The following MRTFA variants were observed in gnomAD, a reference collection of about 807,000 sequenced individuals.
MRTFA encodes the protein myocardin-related transcription factor A.
Under a neutral mutation model 83.5 loss-of-function variants are expected in MRTFA, and 20 were observed. The ratio of observed to expected loss-of-function variants is 0.24; its 90% CI spans 0.17 to 0.35. The LOEUF is 0.35. MRTFA is among the 10% of genes least tolerant of loss of function. The pLI is 1.00. For missense variants in MRTFA, 1,200 were observed against 1,224.7 expected (o/e 0.98, Z 0.30); for synonymous variants, 659 against 541.2 (o/e 1.22, Z -3.02).
chr22:40,444,535 A>G (rs1459105012), intron 4 of MRTFA, among the ~76,000 whole-genome samples: 1 of 152,214 alleles, frequency 6.6e-6, no homozygotes, highest in Non-Finnish European at 1.5e-5. Flanking sequence ...ACTAAAAGAA[A>G]AAATCTTTAC....
At chr22:40,594,148 G>A (rs2056158717) in intron 2 of MRTFA, among the ~76,000 whole-genome samples, 1 of 152,204 alleles carries the variant, frequency 6.6e-6, no homozygotes, top group Non-Finnish European at 1.5e-5. Flanking sequence ...AACTCTAGTG[G>A]TTACAGATGG....
At chr22:40,566,769 G>A (rs954371783) in intron 2 of MRTFA, among the ~76,000 whole-genome samples, 1 of 152,182 alleles carries the variant, frequency 6.6e-6, no homozygotes, top group African/African-American at 2.4e-5. Flanking sequence ...CGAGGCGGAG[G>A]TTGCAGTGAG....
chr22:40,499,022 A>T (rs1260309919), intron 3 of MRTFA, among the ~76,000 whole-genome samples: 1 of 152,136 alleles, frequency 6.6e-6, no homozygotes. Flanking sequence ...TTAATTTTCC[A>T]CTTTTAGAAC....
rs150507847 is a variant in MRTFA at position 40,471,806 on chromosome 22, A to C, written c.242-8520T>G. Among the ~76,000 whole-genome samples, 199 of 152,296 alleles carry C rather than the reference A, an allele frequency of 1.3e-3. 2 individuals are homozygous for C. The highest frequency in any genetic ancestry group is 4.7e-3 in the African/African-American group (195 of 41,568). On this transcript the variant is annotated intron_variant, in intron 3 of 14. Coordinates refer to ENST00000355630, the MANE Select transcript of MRTFA (RefSeq NM_020831.6). ...AAAATCACTTGAATCTGGGAGGTCG[A>C]GGCTGTAGTGAGCTGAGACCACACC...
chr22:40,497,460 TC>T (rs1340914125), intron 3 of MRTFA, among the ~76,000 whole-genome samples: 1 of 152,004 alleles, frequency 6.6e-6, no homozygotes, highest in Non-Finnish European at 1.5e-5. Context: ...AGGAAAATAA[TC>T]TTCAGAAATC....
In MRTFA at chr22:40,417,450, TGGGCAGAGGGGGCAGGCGCTGGAGA is replaced by T. The variant is rs1464519404; in HGVS notation, c.2383_2407del (p.Ser795ArgfsTer19). 6.3e-7 allele frequency: 1 copy of T among 1,590,306 alleles called. No homozygotes were observed. The highest frequency in any genetic ancestry group is 2.3e-5 in the East Asian group (1 of 43,638). ...CTGCAGTGGGTGCTCCAGGTCCATCTGGGCAGAGGGGGCAGGCGCTGGAGAGCCAGGCTGGGACGAGGGCTGGACA... is the reference window on the plus strand; with the variant it reads ...CTGCAGTGGGTGCTCCAGGTCCATCTGCCAGGCTGGGACGAGGGCTGGACA... On this transcript the variant is annotated frameshift_variant, in exon 13 of 15. Coordinates refer to ENST00000355630, the MANE Select transcript of MRTFA (RefSeq NM_020831.6). LOFTEE classifies it high-confidence loss of function.
At chr22:40,419,958 A>C (rs1377360717) in intron 11 of MRTFA, among the ~76,000 whole-genome samples, 1 of 152,176 alleles carries the variant, frequency 6.6e-6, no homozygotes, top group Non-Finnish European at 1.5e-5. Context: ...ATTAACCGGC[A>C]AAGGGGAAAA....
chr22:40,443,015 C>T (rs191421468), intron 4 of MRTFA, among the ~76,000 whole-genome samples: 5 of 152,096 alleles, frequency 3.3e-5, no homozygotes, highest in East Asian at 3.9e-4. Flanking sequence ...TTTGGGAGGC[C>T]GAGGTCGGGG....
intron 9 of MRTFA, among the ~76,000 whole-genome samples, chr22:40,422,830 G>T (rs2052869784): frequency 6.6e-6 from 1 of 152,216 alleles, no homozygotes; most frequent in African/African-American, 2.4e-5. Flanking sequence ...GCCAGGGGTT[G>T]CCAAGCCAGG....
At chr22:40,556,238 T>G (rs1433345015) in intron 2 of MRTFA, among the ~76,000 whole-genome samples, 1 of 152,186 alleles carries the variant, frequency 6.6e-6, no homozygotes, top group Non-Finnish European at 1.5e-5. Flanking sequence ...TTATGAGGAC[T>G]TTAATCTAAC....
chr22:40,549,360 T>C (rs2055411804), intron 3 of MRTFA, among the ~76,000 whole-genome samples: 1 of 152,262 alleles, frequency 6.6e-6, no homozygotes, highest in Middle Eastern at 3.4e-3. Flanking sequence ...GAAAAATAAA[T>C]TGCATTTTAT....
intron 4 of MRTFA, among the ~76,000 whole-genome samples, chr22:40,444,817 C>T (rs1602252674): frequency 6.6e-6 from 1 of 152,234 alleles, no homozygotes; most frequent in Non-Finnish European, 1.5e-5. Flanking sequence ...CCTGTAACCC[C>T]AGCACCCTGG....
At chr22:40,503,763 C>T (rs2054535854) in intron 3 of MRTFA, among the ~76,000 whole-genome samples, 1 of 152,142 alleles carries the variant, frequency 6.6e-6, no homozygotes, top group Non-Finnish European at 1.5e-5. Context: ...CCTATCTCTA[C>T]TAAAAATACT....
intron 4 of MRTFA, 35 bp from the exon 5 acceptor site, chr22:40,435,589 G>C (rs539982326): frequency 1.2e-6 from 2 of 1,609,244 alleles, no homozygotes; most frequent in South Asian, 1.1e-5. Flanking sequence ...TTACCTTCAA[G>C]CGAAGCATCA....
intron 1 of MRTFA, among the ~76,000 whole-genome samples, chr22:40,634,255 T>C (rs1487547929): frequency 6.6e-6 from 1 of 152,116 alleles, no homozygotes; most frequent in Non-Finnish European, 1.5e-5. Flanking sequence ...GTCTGCTAAT[T>C]CTTTAACTTT....
At chr22:40,496,595 A>C (rs1168276140) in intron 3 of MRTFA, among the ~76,000 whole-genome samples, 4 of 144,960 alleles carry the variant, frequency 2.8e-5, no homozygotes, top group African/African-American at 1.0e-4. Context: ...AGGACTTAAA[A>C]CAGTGCCCAT....
chr22:40,618,518 G>C (rs1042176883), intron 1 of MRTFA, among the ~76,000 whole-genome samples: 2 of 152,084 alleles, frequency 1.3e-5, no homozygotes, highest in African/African-American at 4.8e-5. Flanking sequence ...CAAAGACCTG[G>C]CAGATGCAGG....
At chr22:40,631,660 CA>C (rs1212707459) in intron 1 of MRTFA, among the ~76,000 whole-genome samples, 3 of 152,182 alleles carry the variant, frequency 2.0e-5, no homozygotes, top group African/African-American at 7.2e-5. Context: ...ACATAGATTT[CA>C]AATATTTTTC....
intron 1 of MRTFA, among the ~76,000 whole-genome samples, chr22:40,620,815 A>G (rs1185024117): frequency 6.6e-6 from 1 of 152,146 alleles, no homozygotes; most frequent in Non-Finnish European, 1.5e-5. Context: ...GAGACCCACA[A>G]GGTTTCTAAC....
Sources: allele counts gnomAD v4.1 joint callset (sites outside exome capture counted in the v4.1 genomes callset), GRCh38; gene constraint gnomAD v4.1.1; transcripts MANE v1.5; gene names NCBI Gene and HGNC (gene_info 2026-07-23, HGNC 2026-07-21).